The following ADAMTSL1 variants were observed in gnomAD, a reference collection of about 807,000 sequenced individuals.
ADAMTSL1 encodes ADAMTS-like protein 1.
ADAMTSL1 carries 126 observed loss-of-function variants against 201.8 expected under a neutral mutation model. The ratio of observed to expected loss-of-function variants is 0.62; its 90% CI spans 0.54 to 0.72. The LOEUF (loss-of-function observed/expected upper bound fraction) is 0.72. Among genes scored for constraint, ADAMTSL1 ranks in the 30% least tolerant of loss-of-function variants. The pLI, the probability that ADAMTSL1 is intolerant of heterozygous loss-of-function variation, is 0.00. For missense variants in ADAMTSL1, 2,679 were observed against 2,277.8 expected (o/e 1.18, Z -3.59); for synonymous variants, 1,121 against 903.4 (o/e 1.24, Z -4.32).
At chr9:18,270,717 C>T (rs1412334763) in intron 2 of ADAMTSL1, among the ~76,000 whole-genome samples, 1 of 152,190 alleles carries the variant, frequency 6.6e-6, no homozygotes, top group Non-Finnish European at 1.5e-5. Context: ...ATCACAATTT[C>T]ATGTTCCCCT....
At chr9:17,937,456 G>T (rs1827057138) in intron 1 of ADAMTSL1, among the ~76,000 whole-genome samples, 1 of 151,880 alleles carries the variant, frequency 6.6e-6, no homozygotes, top group South Asian at 2.1e-4. Context: ...ATCCCTGAAG[G>T]GCAACTAGAT....
At chr9:18,373,767 CAG>C (rs1837161579) in intron 2 of ADAMTSL1, among the ~76,000 whole-genome samples, 1 of 152,152 alleles carries the variant, frequency 6.6e-6, no homozygotes, top group African/African-American at 2.4e-5. Flanking sequence ...AAGTTACAAA[CAG>C]GGCAAAATCT....
chr9:17,997,961 C>A (rs1245728207), intron 1 of ADAMTSL1, among the ~76,000 whole-genome samples: 1 of 151,966 alleles, frequency 6.6e-6, no homozygotes, highest in Non-Finnish European at 1.5e-5. Context: ...ATGGCTGGCA[C>A]CACTGTAGTC....
At position 18,771,152 on chromosome 9, in the gene ADAMTSL1, T is replaced by C. The variant is rs191743683; in HGVS notation, c.2397+371T>C. Among the ~76,000 whole-genome samples, 13 of 152,328 alleles carry C rather than the reference T, an allele frequency of 8.5e-5. No homozygotes were observed. The East Asian group carries it at 2.3e-3, about 27-fold the overall frequency. On this transcript the variant is annotated intron_variant, in intron 17 of 28. Transcript: ENST00000380548. ...CCCTGTACCTCTTACTCCCAGATGT[T>C]TCTGTCTCTATTCAGGAAGGGCAAA... is the stretch of plus-strand genomic sequence containing the variant.
rs1332961172 is a variant in ADAMTSL1, at chr9:18,905,892, G to T, written c.4961+1G>T. On this transcript the variant is annotated splice_donor_variant, in intron 27 of 28. Transcript: ENST00000380548. LOFTEE classifies it high-confidence loss of function. ...CAGAGCAGTGCAGTGCTCTTCCGAG[G>T]TAAGAGAAAGCCCTGAATCTCCTTT... 1 of 1,603,300 alleles carries T rather than the reference G, an allele frequency of 6.2e-7. No individual in the cohort carries two copies. The highest frequency in any genetic ancestry group is 1.3e-5 in the African/African-American group (1 of 74,880).
chr9:18,365,721 G>A (rs138135993), intron 2 of ADAMTSL1, among the ~76,000 whole-genome samples: 10 of 152,200 alleles, frequency 6.6e-5, no homozygotes, highest in South Asian at 2.1e-4. Context: ...CACGATTTAC[G>A]GCAGGGGTGT....
At chr9:18,317,012 G>C (rs938217573) in intron 2 of ADAMTSL1, among the ~76,000 whole-genome samples, 1 of 152,164 alleles carries the variant, frequency 6.6e-6, no homozygotes, top group African/African-American at 2.4e-5. Context: ...ATAGGAAATT[G>C]TGGAATATAT....
chr9:18,392,200 A>G (rs1231026413), intron 2 of ADAMTSL1, among the ~76,000 whole-genome samples: 1 of 152,196 alleles, frequency 6.6e-6, no homozygotes, highest in Admixed American at 6.5e-5. Flanking sequence ...TACAAATATG[A>G]TTAGTAATAA....
chr9:18,898,679 C>T (rs896523417), intron 26 of ADAMTSL1, among the ~76,000 whole-genome samples: 1 of 152,154 alleles, frequency 6.6e-6, no homozygotes, highest in African/African-American at 2.4e-5. Context: ...TCATTCCTCA[C>T]ATAAGAAGAA....
intron 2 of ADAMTSL1, among the ~76,000 whole-genome samples, chr9:18,165,721 C>G (rs1376516638): frequency 6.6e-6 from 1 of 151,918 alleles, no homozygotes. Context: ...CCAGAAGCTA[C>G]TTCAGTCTCC....
At chr9:18,136,346 C>A (rs1047877572) in intron 1 of ADAMTSL1, among the ~76,000 whole-genome samples, 17 of 152,122 alleles carry the variant, frequency 1.1e-4, no homozygotes, top group African/African-American at 3.9e-4. Context: ...CTGGATTAGA[C>A]AGTAAATGTA....
chr9:18,175,990 GC>G (rs1277070413), intron 2 of ADAMTSL1, among the ~76,000 whole-genome samples: 1 of 140,274 alleles, frequency 7.1e-6, no homozygotes, highest in Non-Finnish European at 1.5e-5. Context: ...TAGGGAAGGG[GC>G]TAAGAAGAGG....
At chr9:18,567,533 A>C (rs1471192092) in intron 3 of ADAMTSL1, among the ~76,000 whole-genome samples, 1 of 152,168 alleles carries the variant, frequency 6.6e-6, no homozygotes, top group African/African-American at 2.4e-5. Flanking sequence ...CAGGGAGAAC[A>C]GATTTCATGG....
chr9:18,346,421 A>G (rs534107410), intron 2 of ADAMTSL1, among the ~76,000 whole-genome samples: 1 of 152,270 alleles, frequency 6.6e-6, no homozygotes, highest in African/African-American at 2.4e-5. Context: ...TTTGCACTTC[A>G]GGTTTCCCAC....
At chr9:17,957,856 G>A (rs1827989856) in intron 1 of ADAMTSL1, among the ~76,000 whole-genome samples, 2 of 152,096 alleles carry the variant, frequency 1.3e-5, no homozygotes, top group Admixed American at 6.6e-5. Context: ...GTCACCCAAA[G>A]CTAAGAAGAG....
intron 2 of ADAMTSL1, among the ~76,000 whole-genome samples, chr9:18,505,230 C>T (rs948150690): frequency 3.3e-5 from 5 of 152,154 alleles, no homozygotes; most frequent in African/African-American, 9.7e-5. Context: ...TATCTGTTTT[C>T]ATGTTAGGAC....
In ADAMTSL1 at chr9:17,939,169, A is replaced by G. The variant is rs372020977; in HGVS notation, c.87+32247A>G. ...CTTGCTTCCTTTCAGTCTCCAGAAAATTCTCTTTATCTCCAAACCATTTTT... is the reference window on the plus strand; with the variant it reads ...CTTGCTTCCTTTCAGTCTCCAGAAAGTTCTCTTTATCTCCAAACCATTTTT... On this transcript the variant is annotated intron_variant, in intron 1 of 29. Coordinates refer to the ADAMTSL1 transcript ENST00000680146. Among the ~76,000 whole-genome samples, 6 of 152,102 alleles carry G rather than the reference A, an allele frequency of 3.9e-5. No individual in the cohort carries two copies. In the East Asian group the frequency reaches 1.2e-3, roughly 29 times the overall value.
At chr9:18,644,350 C>G (rs1316445283) in intron 7 of ADAMTSL1, among the ~76,000 whole-genome samples, 1 of 151,446 alleles carries the variant, frequency 6.6e-6, no homozygotes, top group Non-Finnish European at 1.5e-5. Flanking sequence ...GGCCACTTGT[C>G]AGTATCTCCA....
intron 2 of ADAMTSL1, among the ~76,000 whole-genome samples, chr9:18,227,890 C>T (rs1422981181): frequency 6.6e-6 from 1 of 152,106 alleles, no homozygotes; most frequent in East Asian, 1.9e-4. Flanking sequence ...ATCACAGAGC[C>T]TAGAAGGTGC....
Sources: gnomAD v4.1 joint callset for allele counts (sites outside exome capture counted in the v4.1 genomes callset) on GRCh38, gnomAD v4.1.1 for gene constraint, MANE v1.5 for transcripts, NCBI Gene and HGNC (gene_info 2026-07-23, HGNC 2026-07-21) for gene names.